Variants in LRRIQ3 observed in about 807,000 individuals in gnomAD.
LRRIQ3 encodes the protein leucine-rich repeat and IQ domain-containing protein 3.
A neutral mutation model predicts 59.3 loss-of-function variants in LRRIQ3; 75 were observed. The ratio of observed to expected loss-of-function variants is 1.26; its 90% CI spans 1.05 to 1.53. The LOEUF (loss-of-function observed/expected upper bound fraction) is 1.53. Ranked by LOEUF, LRRIQ3 falls within the 40% of genes most tolerant of loss-of-function variation. The probability of loss-of-function intolerance (pLI) is 0.00; values close to 1 mark genes in which losing one functional copy is unlikely to be tolerated. For synonymous variants in LRRIQ3, 250 were observed against 231.3 expected (o/e 1.08, Z -0.73); for missense variants, 831 against 710.0 (o/e 1.17, Z -1.94).
intron 3 of LRRIQ3, among the ~76,000 whole-genome samples, chr1:74,163,253 A>G (rs1250430924): frequency 6.6e-6 from 1 of 151,550 alleles, no homozygotes; most frequent in African/African-American, 2.4e-5. Flanking sequence ...CTTTTTATTT[A>G]TTCTTTTAAT....
chr1:74,077,774 C>T (rs1646226492), intron 5 of LRRIQ3, among the ~76,000 whole-genome samples: 1 of 151,836 alleles, frequency 6.6e-6, no homozygotes, highest in African/African-American at 2.4e-5. Context: ...CTGAGGCTTA[C>T]ACAAGCTGCA....
chr1:74,186,263 A>T (rs536831193), intron 1 of LRRIQ3, among the ~76,000 whole-genome samples: 4 of 151,972 alleles, frequency 2.6e-5, no homozygotes, highest in Non-Finnish European at 5.9e-5. Flanking sequence ...AGATTCATCC[A>T]CCAGGAATAA....
intron 6 of LRRIQ3, among the ~76,000 whole-genome samples, chr1:74,052,081 C>T (rs958384148): frequency 2.0e-5 from 3 of 152,042 alleles, no homozygotes; most frequent in East Asian, 3.9e-4. Flanking sequence ...AGGATCATGA[C>T]GCTTCAATCT....
chr1:74,116,413 G>A (rs1646777371), intron 4 of LRRIQ3, among the ~76,000 whole-genome samples: 1 of 151,862 alleles, frequency 6.6e-6, no homozygotes, highest in African/African-American at 2.4e-5. Context: ...CAACATACAG[G>A]CAATCAGATA....
chr1:74,179,189 C>A (rs999165100), intron 3 of LRRIQ3, among the ~76,000 whole-genome samples: 1 of 151,956 alleles, frequency 6.6e-6, no homozygotes, highest in Non-Finnish European at 1.5e-5. Context: ...ATATATCCTT[C>A]TATGATATGA....
intron 3 of LRRIQ3, among the ~76,000 whole-genome samples, chr1:74,169,449 A>G (rs954944667): frequency 1.3e-5 from 2 of 152,156 alleles, no homozygotes; most frequent in African/African-American, 4.8e-5. Flanking sequence ...GCTGGATCAT[A>G]TGATAGCTCT....
At chr1:74,179,722 A>C (rs1336608197) in intron 3 of LRRIQ3, among the ~76,000 whole-genome samples, 1 of 152,016 alleles carries the variant, frequency 6.6e-6, no homozygotes, top group Non-Finnish European at 1.5e-5. Context: ...ACACAAATTT[A>C]TAGGTGGCCT....
intron 3 of LRRIQ3, among the ~76,000 whole-genome samples, chr1:74,173,186 A>G (rs1275341278): frequency 6.6e-6 from 1 of 151,114 alleles, no homozygotes; most frequent in Non-Finnish European, 1.5e-5. Context: ...AGTTCCAGCT[A>G]CTTGGGAGGC....
chr1:74,163,967 T>C (rs749253389), intron 3 of LRRIQ3, among the ~76,000 whole-genome samples: 17 of 151,604 alleles, frequency 1.1e-4, no homozygotes, highest in Admixed American at 2.6e-4. Context: ...CATTGTGGTT[T>C]CAATTTCCAT....
chr1:74,107,196 G>A (rs75785148), intron 5 of LRRIQ3, among the ~76,000 whole-genome samples: 23 of 152,088 alleles, frequency 1.5e-4, no homozygotes, highest in African/African-American at 4.8e-4. Context: ...AGTCAAGCAC[G>A]TTTTATTCCC....
At chr1:74,075,763 C>G (rs955840313) in intron 5 of LRRIQ3, among the ~76,000 whole-genome samples, 1 of 152,108 alleles carries the variant, frequency 6.6e-6, no homozygotes, top group Non-Finnish European at 1.5e-5. Context: ...GAGCTTTCAT[C>G]AGGTTATCAG....
Position 74,070,561 on chromosome 1 carries a change from C to A in LRRIQ3, c.997+4100G>T, listed in dbSNP as rs137882775. 3.6e-4 allele frequency among the ~76,000 whole-genome samples: 54 copies of A among 152,080 alleles called. No individual in the cohort carries two copies. In the East Asian group the frequency reaches 0.01, roughly 29 times the overall value. On this transcript the variant is annotated intron_variant, in intron 6 of 7. Transcript: ENST00000354431. ...TACCTGAGTAAGGAAATAATCTGTA[C>A]ACCAAACCCCTGTGACATATAATTT...
intron 4 of LRRIQ3, among the ~76,000 whole-genome samples, chr1:74,154,711 G>T (rs1557643421): frequency 1.3e-5 from 2 of 152,056 alleles, no homozygotes; most frequent in Non-Finnish European, 2.9e-5. Context: ...GCAAAATAAA[G>T]ACAGAATTAA....
chr1:74,091,824 G>A (rs1646397914), intron 5 of LRRIQ3, among the ~76,000 whole-genome samples: 1 of 151,868 alleles, frequency 6.6e-6, no homozygotes, highest in African/African-American at 2.4e-5. Flanking sequence ...TTTACTTCTT[G>A]ATTATTTTCT....
intron 3 of LRRIQ3, among the ~76,000 whole-genome samples, chr1:74,156,908 T>C (rs537632805): frequency 2.6e-4 from 39 of 152,164 alleles, no homozygotes; most frequent in Non-Finnish European, 4.9e-4. Flanking sequence ...TTAAAAATAC[T>C]GACAATTGCA....
At chr1:74,074,637 T>C (rs1334797801) in intron 6 of LRRIQ3, 24 bp downstream of exon 6, 4 of 1,055,650 alleles carry the variant, frequency 3.8e-6, no homozygotes, top group Middle Eastern at 3.3e-4. Flanking sequence ...TTATTAAATA[T>C]AATTAAAAAT....
chr1:74,147,217 G>A (rs1201075051), intron 4 of LRRIQ3, among the ~76,000 whole-genome samples: 1 of 152,092 alleles, frequency 6.6e-6, no homozygotes, highest in African/African-American at 2.4e-5. Flanking sequence ...CTACAGGTAA[G>A]ACTCTGCATC....
intron 5 of LRRIQ3, among the ~76,000 whole-genome samples, chr1:74,087,871 G>A (rs1646346255): frequency 6.6e-6 from 1 of 152,058 alleles, no homozygotes; most frequent in Non-Finnish European, 1.5e-5. Context: ...GGCTGAGGCA[G>A]GTGGATCATG....
intron 5 of LRRIQ3, among the ~76,000 whole-genome samples, chr1:74,075,664 T>C (rs1256146593): frequency 6.6e-6 from 1 of 152,144 alleles, no homozygotes; most frequent in Non-Finnish European, 1.5e-5. Context: ...TTGTCAAATG[T>C]AAACTGTATA....
Sources: gnomAD v4.1 joint callset for allele counts (sites outside exome capture counted in the v4.1 genomes callset) on GRCh38, gnomAD v4.1.1 for gene constraint, MANE v1.5 for transcripts, NCBI Gene and HGNC (gene_info 2026-07-23, HGNC 2026-07-21) for gene names.